The following GNL3L variants were observed in gnomAD, a reference collection of about 807,000 sequenced individuals.
GNL3L encodes G protein nucleolar 3 like, also known as guanine nucleotide-binding protein-like 3-like protein.
GNL3L carries 4 observed loss-of-function variants against 42.9 expected under a neutral mutation model. The observed-to-expected ratio is 0.09, with a 90% CI of 0.05 to 0.21. The LOEUF is 0.21. Ranked by LOEUF, GNL3L falls within the 10% of genes least tolerant of loss-of-function variation. GNL3L has a pLI of 1.00. For missense variants in GNL3L, 412 were observed against 481.7 expected (o/e 0.86, Z 1.36); for synonymous variants, 159 against 176.3 (o/e 0.90, Z 0.78).
chrX:54,536,487 C>T (rs1483977975), intron 2 of GNL3L, among the ~76,000 whole-genome samples: 5 of 110,291 alleles, frequency 4.5e-5, no homozygotes, highest in Non-Finnish European at 9.5e-5. Flanking sequence ...GTAGTTTTAT[C>T]CAAAAGGAAA....
At chrX:54,539,350 A>C (rs1218793017) in intron 3 of GNL3L, among the ~76,000 whole-genome samples, 2 of 111,122 alleles carry the variant, frequency 1.8e-5, no homozygotes, top group Admixed American at 9.7e-5. Flanking sequence ...TAGTTGAGGA[A>C]ACTGTCAGTG....
chrX:54,533,083 T>C (rs1924306633), intron 2 of GNL3L, among the ~76,000 whole-genome samples: 1 of 112,035 alleles, frequency 8.9e-6, no homozygotes, highest in Non-Finnish European at 1.9e-5. Flanking sequence ...TGCCCCATTC[T>C]CAATTTACAG....
At chrX:54,575,799 A>C (rs973157682) in intron 16 of GNL3L, among the ~76,000 whole-genome samples, 1 of 111,631 alleles carries the variant, frequency 9.0e-6, no homozygotes, top group African/African-American at 3.3e-5. Flanking sequence ...AATCCCAGCA[A>C]CTCGGGAGGC....
the GNL3L span, among the ~76,000 whole-genome samples, chrX:54,633,430 G>C: frequency 1.8e-5 from 2 of 111,428 alleles, no homozygotes; most frequent in Non-Finnish European, 3.8e-5. Flanking sequence ...TAAGTATTCA[G>C]GTTTCTCAGG....
At chrX:54,589,906 G>C (rs1427501836) in intron 16 of GNL3L, among the ~76,000 whole-genome samples, 1 of 109,994 alleles carries the variant, frequency 9.1e-6, no homozygotes, top group Non-Finnish European at 1.9e-5. Context: ...ATTTGTTATT[G>C]CCTGTCTTTT....
At chrX:54,613,742 G>C (rs1474182784) in intron 16 of GNL3L, among the ~76,000 whole-genome samples, 1 of 111,097 alleles carries the variant, frequency 9.0e-6, no homozygotes, top group Non-Finnish European at 1.9e-5. Context: ...TGTCCGCAGA[G>C]TCATATCATG....
chrX:54,602,501 C>T (rs767595262), intron 16 of GNL3L, among the ~76,000 whole-genome samples: 7 of 110,577 alleles, frequency 6.3e-5, no homozygotes, highest in Non-Finnish European at 1.1e-4. Context: ...GTCTGTCCAC[C>T]ACAATTATAC....
At chrX:54,538,263 G>C (rs1264307935) in intron 2 of GNL3L, among the ~76,000 whole-genome samples, 1 of 111,236 alleles carries the variant, frequency 9.0e-6, no homozygotes, top group African/African-American at 3.3e-5. Flanking sequence ...GCCAACTGAT[G>C]TGATTGTGGA....
intron 16 of GNL3L, among the ~76,000 whole-genome samples, chrX:54,608,916 T>C (rs1342480494): frequency 5.4e-5 from 6 of 112,017 alleles, no homozygotes; most frequent in Non-Finnish European, 1.9e-5. Context: ...TTTAGTTCTT[T>C]AAGGAATCTC....
chrX:54,575,797 C>A (rs1925626893), intron 16 of GNL3L, among the ~76,000 whole-genome samples: 1 of 111,922 alleles, frequency 8.9e-6, no homozygotes, highest in Non-Finnish European at 1.9e-5. Context: ...GTAATCCCAG[C>A]AACTCGGGAG....
intron 8 of GNL3L, among the ~76,000 whole-genome samples, chrX:54,546,471 C>A (rs1326365943): frequency 9.0e-6 from 1 of 111,274 alleles, no homozygotes; most frequent in Non-Finnish European, 1.9e-5. Context: ...TTTACCTAGA[C>A]ACTGATGAAT....
chrX:54,596,470 C>T (rs973380988), intron 16 of GNL3L, among the ~76,000 whole-genome samples: 14 of 111,624 alleles, frequency 1.3e-4, no homozygotes, highest in African/African-American at 4.2e-4. Flanking sequence ...ACAGAAGCAC[C>T]CCTATAGCCA....
rs1348546941 is a variant in GNL3L, at chrX:54,593,593, A to G, written c.*46-27252A>G. ...TGAACTTTTATATTGTTTTCATTTC[A>G]TATTTATTTATTTCTGCTCTGGTCC... On this transcript the variant is annotated intron_variant, in intron 16 of 16. Transcript: ENST00000674498. Among the ~76,000 whole-genome samples, 6 of 107,274 alleles carry G rather than the reference A, an allele frequency of 5.6e-5. 1 individual carries two copies. In the East Asian group the frequency reaches 1.7e-3, roughly 31 times the overall value. The allele number at this position is 107,274 out of a possible 115,157, so 93.2% of individuals were successfully genotyped here.
intron 2 of GNL3L, among the ~76,000 whole-genome samples, chrX:54,535,205 G>A (rs1349911807): frequency 1.8e-5 from 2 of 111,239 alleles, no homozygotes; most frequent in African/African-American, 6.5e-5. Flanking sequence ...TGCAACCTCC[G>A]CCTCCTGGGT....
chrX:54,570,394 A>G (rs144913568), downstream of GNL3L, among the ~76,000 whole-genome samples: 1,532 of 111,756 alleles, frequency 0.014, 9 homozygotes, highest in Non-Finnish European at 0.023. Flanking sequence ...TAACTATGGT[A>G]TATCTTTTTC....
chrX:54,542,730 C>G (rs1264057056), intron 5 of GNL3L, among the ~76,000 whole-genome samples: 1 of 111,650 alleles, frequency 9.0e-6, no homozygotes, highest in African/African-American at 3.3e-5. Context: ...TAAAAGTGTT[C>G]CTATTTCTTC....
Position 54,591,698 on chromosome X carries a change from G to C in GNL3L, c.*46-29147G>C, listed in dbSNP as rs767370928. Among the ~76,000 whole-genome samples the C allele has an allele frequency of 2.4e-4, 27 of 111,182 alleles. No homozygotes were observed. The South Asian group carries it at 0.01, about 42-fold the overall frequency. Reference sequence around the variant, plus strand: ...GTGTGTGTTTTTATGCTAGTACCATGCTGTTTTGGTTACTAAAGCTCTGTA... The same window carrying C: ...GTGTGTGTTTTTATGCTAGTACCATCCTGTTTTGGTTACTAAAGCTCTGTA... On this transcript the variant is annotated intron_variant, in intron 16 of 16. Transcript: ENST00000674498.
the GNL3L span, among the ~76,000 whole-genome samples, chrX:54,627,578 T>C: frequency 9.0e-6 from 1 of 111,684 alleles, no homozygotes; most frequent in African/African-American, 3.2e-5. Context: ...TTTACTTTTC[T>C]AGTTCCTTGA....
chrX:54,538,746 T>C (rs1924522752), intron 2 of GNL3L, among the ~76,000 whole-genome samples: 1 of 111,742 alleles, frequency 8.9e-6, no homozygotes, highest in Admixed American at 9.5e-5. Flanking sequence ...TTTCCCCCAG[T>C]AGGAAGTTCT....
Sources: allele counts gnomAD v4.1 joint callset (sites outside exome capture counted in the v4.1 genomes callset), GRCh38; gene constraint gnomAD v4.1.1; transcripts MANE v1.5; gene names NCBI Gene and HGNC (gene_info 2026-07-23, HGNC 2026-07-21).